Variants in KPNA3 observed in about 807,000 individuals in gnomAD.
KPNA3 encodes importin subunit alpha-4.
KPNA3 carries 13 observed loss-of-function variants against 73.8 expected under a neutral mutation model. The observed-to-expected ratio is 0.18, with a 90% CI of 0.11 to 0.28. The LOEUF is 0.28. KPNA3 is among the 10% of genes least tolerant of loss of function. The pLI is 1.00. For missense variants in KPNA3, 360 were observed against 618.1 expected, an observed-to-expected ratio of 0.58 and a Z score of 4.43; for synonymous variants, 186 against 206.9, an observed-to-expected ratio of 0.90 and a Z score of 0.87.
chr13:49,710,581 T>C (rs1186002402), intron 11 of KPNA3, among the ~76,000 whole-genome samples: 1 of 152,142 alleles, frequency 6.6e-6, no homozygotes, highest in Non-Finnish European at 1.5e-5. Flanking sequence ...TCACTGAAGG[T>C]AGACAAGGAA....
chr13:49,778,041 C>G (rs1226628297), intron 1 of KPNA3, among the ~76,000 whole-genome samples: 1 of 152,124 alleles, frequency 6.6e-6, no homozygotes, highest in Non-Finnish European at 1.5e-5. Flanking sequence ...AACACTGAAA[C>G]TACCATATGT....
At chr13:49,759,672 C>T (rs1954742166) in intron 1 of KPNA3, among the ~76,000 whole-genome samples, 1 of 152,080 alleles carries the variant, frequency 6.6e-6, no homozygotes. Flanking sequence ...GGTTTGTGCT[C>T]CTTTGAGAAT....
intron 12 of KPNA3, 116 bp downstream of exon 12, chr13:49,709,456 C>A: frequency 7.5e-5 from 48 of 641,226 alleles, no homozygotes; most frequent in Non-Finnish European, 8.7e-5. Context: ...TAAAATAATT[C>A]TCATCTTCGC....
chr13:49,703,162 C>T (rs570934120), intron 15 of KPNA3, among the ~76,000 whole-genome samples: 23 of 149,176 alleles, frequency 1.5e-4, no homozygotes, highest in Admixed American at 5.4e-4. Context: ...GCCACTGCGC[C>T]TGGGCATTTT....
rs145692288 is a variant in KPNA3, at chr13:49,711,279, G to C, written c.772-257C>G. 1.4e-3 allele frequency among the ~76,000 whole-genome samples: 219 copies of C among 152,272 alleles called. 1 individual carries two copies. Among genetic ancestry groups the C allele is most frequent in the African/African-American group, 5.1e-3 (210 of 41,542 alleles). ...CTTCTATTCCAACTTCTGCATTTAT[G>C]TATCAGACAGATGAATTTAAAAACA... On this transcript the variant is annotated intron_variant, in intron 10 of 16. Coordinates refer to ENST00000261667, the MANE Select transcript of KPNA3 (RefSeq NM_002267.4).
chr13:49,773,791 A>G (rs1178610162), intron 1 of KPNA3, among the ~76,000 whole-genome samples: 4 of 152,164 alleles, frequency 2.6e-5, no homozygotes, highest in Non-Finnish European at 5.9e-5. Context: ...GGTGTTATAT[A>G]TTTTCTGAAG....
intron 1 of KPNA3, among the ~76,000 whole-genome samples, chr13:49,756,146 T>C (rs1412947666): frequency 6.6e-6 from 1 of 152,126 alleles, no homozygotes; most frequent in Non-Finnish European, 1.5e-5. Context: ...TCGTGGTATA[T>C]GCCTGTAGTC....
At chr13:49,706,241 A>G in intron 13 of KPNA3, 27 bp downstream of exon 13, 1 of 1,609,942 alleles carries the variant, frequency 6.2e-7, no homozygotes, top group Non-Finnish European at 8.5e-7. Flanking sequence ...AGATTAACAG[A>G]CACGGTGAAC....
At chr13:49,770,062 T>C (rs1023121001) in intron 1 of KPNA3, among the ~76,000 whole-genome samples, 1 of 152,170 alleles carries the variant, frequency 6.6e-6, no homozygotes, top group African/African-American at 2.4e-5. Flanking sequence ...TCCTTGCCCC[T>C]TTTTAAACTA....
chr13:49,753,026 CAAAAAAAAAAA>C (rs71078888), intron 1 of KPNA3, among the ~76,000 whole-genome samples: 3 of 82,204 alleles, frequency 3.6e-5, no homozygotes, highest in Admixed American at 1.4e-4. Context: ...GACTCTGTCT[CAAAAAAAAAAA>C]AAAAAAAAAA....
intron 12 of KPNA3, among the ~76,000 whole-genome samples, chr13:49,708,518 T>C (rs909439496): frequency 2.0e-5 from 3 of 152,210 alleles, no homozygotes; most frequent in Non-Finnish European, 4.4e-5. Context: ...GCAATTCTAC[T>C]TGCAGTTATA....
rs1207983426 is a variant in KPNA3 at position 49,722,481 on chromosome 13, A to T, written c.552T>A (p.Ile184=). The change falls in exon 8 of 17, where the codon ATT becomes ATA. Residue 184 remains isoleucine (I), a synonymous_variant. Transcript: ENST00000261667. The part of the protein sequence containing the change: ...CEQAVWALGN[I]IGDGPQCRDY... ...GATTCCTTTCAAACCACTTACCTAT[A>T]ATGTTTCCCAAAGCCCATACTGCTT... 6.2e-7 allele frequency: 1 copy of T among 1,603,776 alleles called. No individual in the cohort carries two copies. The highest frequency in any genetic ancestry group is 1.1e-5 in the South Asian group (1 of 89,468).
chr13:49,746,403 G>A (rs947454138), intron 2 of KPNA3, among the ~76,000 whole-genome samples: 8 of 152,094 alleles, frequency 5.3e-5, no homozygotes, highest in Admixed American at 2.6e-4. Context: ...ACTTGAGCCC[G>A]GGAGGTCAAG....
At chr13:49,734,473 G>C (rs1265837790) in intron 2 of KPNA3, among the ~76,000 whole-genome samples, 1 of 152,026 alleles carries the variant, frequency 6.6e-6, no homozygotes, top group Non-Finnish European at 1.5e-5. Flanking sequence ...AGTCATTTGG[G>C]AAAAAGAAAA....
intron 12 of KPNA3, among the ~76,000 whole-genome samples, chr13:49,708,179 T>C (rs1954225855): frequency 6.6e-6 from 1 of 152,038 alleles, no homozygotes; most frequent in Non-Finnish European, 1.5e-5. Context: ...GTAATTTTAG[T>C]AGAGACGGGG....
chr13:49,775,558 T>G (rs567053082), intron 1 of KPNA3, among the ~76,000 whole-genome samples: 1 of 152,292 alleles, frequency 6.6e-6, no homozygotes, highest in African/African-American at 2.4e-5. Flanking sequence ...CTTTTCTAAC[T>G]TATACATCTT....
intron 15 of KPNA3, among the ~76,000 whole-genome samples, chr13:49,703,623 ACTTT>A (rs1345501119): frequency 6.6e-6 from 1 of 152,128 alleles, no homozygotes; most frequent in Non-Finnish European, 1.5e-5. Flanking sequence ...ATTTTGAAAA[ACTTT>A]CTTTAAAAAA....
intron 1 of KPNA3, among the ~76,000 whole-genome samples, chr13:49,759,709 A>G (rs1005211230): frequency 2.0e-5 from 3 of 149,302 alleles, no homozygotes; most frequent in Non-Finnish European, 4.4e-5. Context: ...TCTGACAGGA[A>G]GTGGAGCTCG....
At chr13:49,739,030 G>A (rs1235231727) in intron 2 of KPNA3, among the ~76,000 whole-genome samples, 2 of 152,138 alleles carry the variant, frequency 1.3e-5, no homozygotes, top group Non-Finnish European at 2.9e-5. Context: ...TCAGAAATGA[G>A]TAACTGATAT....
Sources: gnomAD v4.1 joint callset for allele counts (sites outside exome capture counted in the v4.1 genomes callset) on GRCh38, gnomAD v4.1.1 for gene constraint, MANE v1.5 for transcripts, NCBI Gene and HGNC (gene_info 2026-07-23, HGNC 2026-07-21) for gene names.